The following MEOX1 variants were observed in gnomAD, a reference collection of about 807,000 sequenced individuals.
MEOX1 encodes the protein homeobox protein MOX-1.
In MEOX1, 17 loss-of-function variants were observed where a neutral mutation model predicts 23.2. The observed-to-expected ratio is 0.73, with a 90% CI of 0.50 to 1.10. The LOEUF is 1.10. Ranked by LOEUF, MEOX1 falls within the 50% of genes least tolerant of loss-of-function variation. MEOX1 has a pLI of 0.00. For missense variants in MEOX1, 333 were observed against 332.2 expected, an observed-to-expected ratio of 1.00 and a Z score of -0.02; for synonymous variants, 134 against 135.1, an observed-to-expected ratio of 0.99 and a Z score of 0.06.
chr17:43,646,686 C>A (rs1598261381), intron 1 of MEOX1, among the ~76,000 whole-genome samples: 1 of 152,296 alleles, frequency 6.6e-6, no homozygotes, highest in East Asian at 1.9e-4. Flanking sequence ...CTATTAAAAT[C>A]TAAAAGTGGC....
intron 1 of MEOX1, among the ~76,000 whole-genome samples, chr17:43,655,436 A>C (rs1249355413): frequency 6.6e-6 from 1 of 151,362 alleles, no homozygotes; most frequent in Admixed American, 6.6e-5. Flanking sequence ...GCGCCACTGC[A>C]CTCCAGCCTG....
intron 1 of MEOX1, among the ~76,000 whole-genome samples, chr17:43,658,749 T>A (rs1973086934): frequency 1.3e-5 from 2 of 152,120 alleles, no homozygotes. Flanking sequence ...ACAAAGCTGA[T>A]CTTTCTTGCC....
At chr17:43,643,429 A>G in intron 2 of MEOX1, 59 bp downstream of exon 2, 2 of 1,448,080 alleles carry the variant, frequency 1.4e-6, no homozygotes, top group Middle Eastern at 4.2e-4. Context: ...GTGGTGGGAA[A>G]GGAGGGAAGG....
intron 1 of MEOX1, among the ~76,000 whole-genome samples, chr17:43,651,987 C>A (rs1016229736): frequency 6.6e-6 from 1 of 152,174 alleles, no homozygotes; most frequent in African/African-American, 2.4e-5. Flanking sequence ...CAGGCCCAGG[C>A]GTGGGATTTG....
intron 1 of MEOX1, among the ~76,000 whole-genome samples, chr17:43,649,888 T>C (rs1334546035): frequency 2.0e-5 from 3 of 152,190 alleles, no homozygotes; most frequent in Non-Finnish European, 4.4e-5. Context: ...GTGCATGTGA[T>C]TGCGGTTTCC....
rs1432421018 is a variant in MEOX1 at position 43,640,628 on chromosome 17, G to A, written c.*1282C>T. ...CTGCGTACAAGAGATCCAAACTCAC[G>A]TTGACCTCCCTCTGCAACACCAGCT... On this transcript the variant is annotated 3_prime_UTR_variant, in exon 3 of 3. Transcript: ENST00000318579. The A allele has an allele frequency of 6.6e-6, 1 of 152,084 alleles. No homozygotes were observed. Among genetic ancestry groups the A allele is most frequent in the African/African-American group, 2.4e-5 (1 of 41,410 alleles). 9.4% of individuals were successfully genotyped at this position (152,084 alleles called of 1,614,324 possible).
chr17:43,660,797 T>G (rs1973122821), intron 1 of MEOX1, among the ~76,000 whole-genome samples: 1 of 152,156 alleles, frequency 6.6e-6, no homozygotes, highest in Non-Finnish European at 1.5e-5. Flanking sequence ...CCATTTCACG[T>G]GTCCTCCAAA....
chr17:43,651,609 A>C (rs545437934), intron 1 of MEOX1, among the ~76,000 whole-genome samples: 1 of 152,230 alleles, frequency 6.6e-6, no homozygotes, highest in Admixed American at 6.5e-5. Flanking sequence ...CAGGGAGCCA[A>C]ATTGGGTGAG....
At chr17:43,642,337 T>G (rs983279895) in intron 2 of MEOX1, among the ~76,000 whole-genome samples, 1 of 152,112 alleles carries the variant, frequency 6.6e-6, no homozygotes, top group Non-Finnish European at 1.5e-5. Context: ...CCCTGCCCCC[T>G]ACCTCCATTC....
intron 2 of MEOX1, among the ~76,000 whole-genome samples, chr17:43,643,167 G>C (rs12103749): frequency 6.6e-6 from 1 of 152,076 alleles, no homozygotes; most frequent in Non-Finnish European, 1.5e-5. Context: ...ACAAAAATTA[G>C]CCGGGCGTGG....
rs1458659040 is a variant in MEOX1 at position 43,640,496 on chromosome 17, A to G, written c.*1414T>C. On this transcript the variant is annotated 3_prime_UTR_variant, in exon 3 of 3. Transcript: ENST00000318579. ...AGAAAATATATGAAGTATGCTTTAG[A>G]AAAAATCATGCTCTAACCAGCCATC... 2 of 152,234 alleles carry G rather than the reference A, an allele frequency of 1.3e-5. No individual in the cohort carries two copies. Among genetic ancestry groups the G allele is most frequent in the Non-Finnish European group, 2.9e-5 (2 of 68,038 alleles). 9.4% of individuals were successfully genotyped at this position (152,234 alleles called of 1,614,324 possible). A position where few individuals can be genotyped will look rare whatever the true frequency, so the allele number is the denominator to read the frequency against.
At chr17:43,652,626 C>G (rs1320302299) in intron 1 of MEOX1, among the ~76,000 whole-genome samples, 1 of 152,102 alleles carries the variant, frequency 6.6e-6, no homozygotes, top group Non-Finnish European at 1.5e-5. Flanking sequence ...AGTTGTGGAT[C>G]AGGGACCTGA....
chr17:43,652,584 G>T (rs1374760723), intron 1 of MEOX1, among the ~76,000 whole-genome samples: 1 of 152,090 alleles, frequency 6.6e-6, no homozygotes, highest in Non-Finnish European at 1.5e-5. Context: ...CTCAGGGAGG[G>T]TTAGGACTCA....
At position 43,661,646 on chromosome 17, in the gene MEOX1, T is replaced by A; in HGVS notation, c.-112A>T. The A allele has an allele frequency of 1.7e-6, 1 of 604,628 alleles. No individual in the cohort carries two copies. The highest frequency in any genetic ancestry group is 2.5e-6 in the Non-Finnish European group (1 of 401,636). 37.5% of individuals were successfully genotyped at this position (604,628 alleles called of 1,614,324 possible). ...AAAACTAAATAGGAGGGAAAAATGT[T>A]CAACAGAAAATTTACCCCAGGAACC... On this transcript the variant is annotated 5_prime_UTR_variant, in exon 1 of 3. Coordinates refer to ENST00000318579, the MANE Select transcript of MEOX1 (RefSeq NM_004527.4).
At chr17:43,658,194 G>C (rs1414898941) in intron 1 of MEOX1, among the ~76,000 whole-genome samples, 4 of 152,224 alleles carry the variant, frequency 2.6e-5, no homozygotes, top group Non-Finnish European at 4.4e-5. Context: ...GCAAGGGCAT[G>C]CCCAACCCCT....
At chr17:43,646,245 G>C (rs1158384842) in intron 1 of MEOX1, among the ~76,000 whole-genome samples, 1 of 152,112 alleles carries the variant, frequency 6.6e-6, no homozygotes, top group Non-Finnish European at 1.5e-5. Context: ...GGAAGGACGC[G>C]CAGCCCCGGG....
intron 2 of MEOX1, among the ~76,000 whole-genome samples, chr17:43,643,077 G>A (rs1972727609): frequency 6.6e-6 from 1 of 152,238 alleles, no homozygotes; most frequent in African/African-American, 2.4e-5. Context: ...GGGAGGCCGA[G>A]GCGGGCGGAT....
Position 43,641,870 on chromosome 17 carries a change from G to C in MEOX1, c.*40C>G, listed in dbSNP as rs758925826. 4 of 1,584,220 alleles carry C rather than the reference G, an allele frequency of 2.5e-6. No individual in the cohort carries two copies. The highest frequency in any genetic ancestry group is 2.6e-6 in the Non-Finnish European group (3 of 1,165,216). On this transcript the variant is annotated 3_prime_UTR_variant, in exon 3 of 3. Transcript: ENST00000318579. ...GGATTGGGGTGGGGGTAGTTGGGTA[G>C]GGGGCTCAGTCCTTAGTCATTTTTC... is the stretch of plus-strand genomic sequence containing the variant.
intron 1 of MEOX1, 127 bp from the exon 2 acceptor site, chr17:43,643,787 G>T: frequency 1.5e-6 from 1 of 648,144 alleles, no homozygotes; most frequent in Non-Finnish European, 2.5e-6. Flanking sequence ...TGAGAAAAAA[G>T]CTACACTGTC....
Sources: allele counts gnomAD v4.1 joint callset (sites outside exome capture counted in the v4.1 genomes callset), GRCh38; gene constraint gnomAD v4.1.1; transcripts MANE v1.5; gene names NCBI Gene and HGNC (gene_info 2026-07-23, HGNC 2026-07-21).